Variants in TRPS1 observed in about 807,000 individuals in gnomAD.
TRPS1 encodes the protein zinc finger transcription factor Trps1.
A neutral mutation model predicts 101.2 loss-of-function variants in TRPS1; 6 were observed. That is an observed-to-expected ratio of 0.06 (90% CI 0.03 to 0.12). The LOEUF (loss-of-function observed/expected upper bound fraction) is 0.12, where lower values mean the gene tolerates loss of function less well. Among genes scored for constraint, TRPS1 ranks in the 10% least tolerant of loss-of-function variants. The pLI is 1.00. For synonymous variants in TRPS1, 578 were observed against 589.8 expected (o/e 0.98, Z 0.29); for missense variants, 1,363 against 1,567.0 (o/e 0.87, Z 2.20).
intron 3 of TRPS1, 117 bp downstream of exon 3, chr8:115,619,015 C>A: frequency 9.1e-7 from 1 of 1,093,634 alleles, no homozygotes; most frequent in Non-Finnish European, 1.3e-6. Context: ...ATCTCTTCTG[C>A]TAGATCTAGC....
chr8:115,426,437 G>T (rs1361941063), intron 5 of TRPS1, among the ~76,000 whole-genome samples: 1 of 152,064 alleles, frequency 6.6e-6, no homozygotes, highest in Non-Finnish European at 1.5e-5. Flanking sequence ...TTTAATTAGA[G>T]AGTCAGATAC....
intron 5 of TRPS1, among the ~76,000 whole-genome samples, chr8:115,498,411 CTCTCTATA>C (rs1480002395): frequency 2.6e-3 from 187 of 72,542 alleles, no homozygotes; most frequent in Non-Finnish European, 3.1e-3. Context: ...CTCTCTCTCT[CTCTCTATA>C]TATATATATA....
intron 3 of TRPS1, among the ~76,000 whole-genome samples, chr8:115,612,158 A>AG (rs1818183895): frequency 2.7e-5 from 4 of 150,796 alleles, no homozygotes; most frequent in Admixed American, 2.6e-4. Context: ...AAGAACAGAA[A>AG]AAGAGGCCAA....
intron 5 of TRPS1, among the ~76,000 whole-genome samples, chr8:115,569,104 C>A (rs952318725): frequency 1.3e-5 from 2 of 152,104 alleles, no homozygotes; most frequent in African/African-American, 4.8e-5. Flanking sequence ...CCGTAAACTA[C>A]CCAGACAAAA....
At chr8:115,618,908 T>TA (rs1260214556) in intron 3 of TRPS1, among the ~76,000 whole-genome samples, 1 of 152,124 alleles carries the variant, frequency 6.6e-6, no homozygotes, top group Non-Finnish European at 1.5e-5. Context: ...TTCCCAAATT[T>TA]AAAAAAATGC....
chr8:115,487,513 C>A (rs1214895873), intron 5 of TRPS1, among the ~76,000 whole-genome samples: 2 of 152,126 alleles, frequency 1.3e-5, no homozygotes, highest in Non-Finnish European at 2.9e-5. Context: ...CAATTGAAAA[C>A]CTTCAAAAAA....
intron 5 of TRPS1, among the ~76,000 whole-genome samples, chr8:115,494,939 T>A (rs1049598551): frequency 6.6e-6 from 1 of 152,162 alleles, no homozygotes. Flanking sequence ...TGGAACTTCC[T>A]CCCTGCTCAG....
chr8:115,626,187 A>T (rs191768844), intron 1 of TRPS1, among the ~76,000 whole-genome samples: 4 of 151,844 alleles, frequency 2.6e-5, no homozygotes, highest in African/African-American at 9.6e-5. Flanking sequence ...AATAAAAGGA[A>T]GGTCAAATCT....
At chr8:115,625,704 G>GT (rs975537311) in intron 1 of TRPS1, among the ~76,000 whole-genome samples, 1 of 151,864 alleles carries the variant, frequency 6.6e-6, no homozygotes, top group Admixed American at 6.6e-5. Context: ...ACACTTCTGA[G>GT]TATCTTTCTA....
chr8:115,557,881 G>A lies in TRPS1; in HGVS notation c.2700+29120C>T, dbSNP rs566529750. Among the ~76,000 whole-genome samples the A allele has an allele frequency of 3.3e-5, 5 of 152,190 alleles. No individual in the cohort carries two copies. In the East Asian group the frequency reaches 9.7e-4, roughly 29 times the overall value. On this transcript the variant is annotated intron_variant, in intron 5 of 6. Coordinates refer to ENST00000395715, the MANE Select transcript of TRPS1 (RefSeq NM_014112.5). ...TGGCTATTATCTGTCTTCCATCTCAGAGTTAGGGAAGAGTAATATATTCTA... is the reference window on the plus strand; with the variant it reads ...TGGCTATTATCTGTCTTCCATCTCAAAGTTAGGGAAGAGTAATATATTCTA...
intron 4 of TRPS1, among the ~76,000 whole-genome samples, chr8:115,600,473 C>T (rs1221380752): frequency 6.6e-6 from 1 of 152,096 alleles, no homozygotes; most frequent in Non-Finnish European, 1.5e-5. Context: ...ATCCTAGCCA[C>T]CTTTAAGATC....
At chr8:115,448,952 G>A (rs561756047) in intron 5 of TRPS1, among the ~76,000 whole-genome samples, 5 of 152,196 alleles carry the variant, frequency 3.3e-5, no homozygotes, top group South Asian at 2.1e-4. Context: ...CTGATTCAAC[G>A]TAACTGTCAA....
At chr8:115,526,606 T>C (rs1212293954) in intron 5 of TRPS1, among the ~76,000 whole-genome samples, 2 of 152,132 alleles carry the variant, frequency 1.3e-5, no homozygotes, top group East Asian at 3.8e-4. Context: ...GTACTGTAAA[T>C]TTTAAAATAA....
At chr8:115,474,312 A>G (rs1192030942) in intron 5 of TRPS1, among the ~76,000 whole-genome samples, 2 of 152,156 alleles carry the variant, frequency 1.3e-5, no homozygotes, top group East Asian at 3.8e-4. Context: ...GAACCTCAGA[A>G]GTTTTGTTAT....
chr8:115,453,450 T>G (rs1373669529), intron 5 of TRPS1, among the ~76,000 whole-genome samples: 1 of 152,208 alleles, frequency 6.6e-6, no homozygotes, highest in South Asian at 2.1e-4. Context: ...CTAACAGAAG[T>G]GTATGCATTT....
At chr8:115,440,581 T>C (rs1179407064) in intron 5 of TRPS1, among the ~76,000 whole-genome samples, 2 of 152,220 alleles carry the variant, frequency 1.3e-5, no homozygotes, top group Non-Finnish European at 2.9e-5. Flanking sequence ...CCTAAAAATA[T>C]AGATGTTTAC....
chr8:115,654,316 CA>C (rs1404037458), intron 1 of TRPS1, among the ~76,000 whole-genome samples: 1 of 152,098 alleles, frequency 6.6e-6, no homozygotes, highest in Non-Finnish European at 1.5e-5. Context: ...ATTTATCATT[CA>C]AAAGACAGGA....
chr8:115,479,797 C>T (rs1446137580), intron 5 of TRPS1, among the ~76,000 whole-genome samples: 1 of 151,962 alleles, frequency 6.6e-6, no homozygotes, highest in East Asian at 1.9e-4. Flanking sequence ...TAAATAAAGC[C>T]AGAATGATCA....
chr8:115,668,206 A>T (rs1016641485), intron 1 of TRPS1: 20 of 445,440 alleles, frequency 4.5e-5, no homozygotes, highest in Admixed American at 7.9e-5. Flanking sequence ...ACCCACCAAA[A>T]GGAGGAGAGG....
Sources: allele counts gnomAD v4.1 joint callset (sites outside exome capture counted in the v4.1 genomes callset), GRCh38; gene constraint gnomAD v4.1.1; transcripts MANE v1.5; gene names NCBI Gene and HGNC (gene_info 2026-07-23, HGNC 2026-07-21).